Variants in CDH13 observed in about 807,000 individuals in gnomAD.
CDH13 encodes cadherin 13.
CDH13 carries 24 observed loss-of-function variants against 63.8 expected under a neutral mutation model. The ratio of observed to expected loss-of-function variants is 0.38; its 90% confidence interval spans 0.27 to 0.53. The LOEUF is 0.53. Among genes scored for constraint, CDH13 ranks in the 20% least tolerant of loss-of-function variants. The pLI is 0.85. For missense variants in CDH13, 1,049 were observed against 903.1 expected (o/e 1.16, Z -2.07); for synonymous variants, 503 against 355.3 (o/e 1.42, Z -4.67).
At chr16:83,166,792 A>G (rs1454962151) in intron 4 of CDH13, among the ~76,000 whole-genome samples, 1 of 152,186 alleles carries the variant, frequency 6.6e-6, no homozygotes, top group East Asian at 1.9e-4. Flanking sequence ...GGCATCAAGT[A>G]GCTTTTACAG....
intron 12 of CDH13, among the ~76,000 whole-genome samples, chr16:83,781,383 G>C (rs1027721891): frequency 6.6e-6 from 1 of 152,170 alleles, no homozygotes; most frequent in Non-Finnish European, 1.5e-5. Flanking sequence ...TCCTGCTGTT[G>C]ACCCCGTCAG....
rs1418383245 is a variant in CDH13 at position 83,205,695 on chromosome 16, C to T, written c.484-11650C>T. Among the ~76,000 whole-genome samples, 4 of 149,486 alleles carry T rather than the reference C, an allele frequency of 2.7e-5. No homozygotes were observed. The East Asian group carries it at 7.9e-4, about 29-fold the overall frequency. ...TCTTGGCTCACTGCAACCTCCACCT[C>T]CTGATTTCAAGCGATTCCCCTGCCT... On this transcript the variant is annotated intron_variant, in intron 4 of 13. Transcript: ENST00000567109.
intron 6 of CDH13, among the ~76,000 whole-genome samples, chr16:83,403,789 C>T (rs2092003616): frequency 6.6e-6 from 1 of 152,006 alleles, no homozygotes. Flanking sequence ...AACATGGAAT[C>T]CATAGAGAAT....
At chr16:83,558,661 T>A (rs2075646630) in intron 7 of CDH13, among the ~76,000 whole-genome samples, 1 of 152,188 alleles carries the variant, frequency 6.6e-6, no homozygotes, top group Non-Finnish European at 1.5e-5. Flanking sequence ...AAAAGCTAAA[T>A]TGCCTGTATT....
chr16:83,240,515 C>T (rs943523232), intron 5 of CDH13, among the ~76,000 whole-genome samples: 12 of 151,884 alleles, frequency 7.9e-5, no homozygotes, highest in Non-Finnish European at 1.6e-4. Context: ...CTAGAGTGCC[C>T]ATGGCCAAGG....
intron 4 of CDH13, among the ~76,000 whole-genome samples, chr16:83,206,731 G>C (rs1383720929): frequency 1.3e-5 from 2 of 151,598 alleles, no homozygotes; most frequent in Non-Finnish European, 2.9e-5. Context: ...CAGTTGTGTT[G>C]TGTGGGTGAG....
chr16:82,842,845 C>T (rs2039091243), intron 1 of CDH13, among the ~76,000 whole-genome samples: 2 of 152,034 alleles, frequency 1.3e-5, no homozygotes, highest in South Asian at 2.1e-4. Flanking sequence ...GATCATCAGG[C>T]ATTAGATTTT....
intron 6 of CDH13, among the ~76,000 whole-genome samples, chr16:83,364,873 C>A (rs1304950078): frequency 6.6e-6 from 1 of 152,074 alleles, no homozygotes; most frequent in Non-Finnish European, 1.5e-5. Flanking sequence ...AACACATGGA[C>A]ACAGGGAGGG....
intron 5 of CDH13, among the ~76,000 whole-genome samples, chr16:83,252,734 C>T (rs916386413): frequency 7.2e-5 from 11 of 152,024 alleles, no homozygotes; most frequent in African/African-American, 2.2e-4. Context: ...GGGAGGAGTG[C>T]GCCTGACTTC....
intron 10 of CDH13, among the ~76,000 whole-genome samples, chr16:83,686,449 G>A (rs1457292909): frequency 1.3e-5 from 2 of 152,130 alleles, no homozygotes; most frequent in African/African-American, 4.8e-5. Context: ...ATAGTCTATT[G>A]ACTCCAAAAT....
chr16:83,685,490 A>G (rs975400329), intron 10 of CDH13, among the ~76,000 whole-genome samples: 4 of 152,156 alleles, frequency 2.6e-5, no homozygotes, highest in African/African-American at 9.7e-5. Context: ...CATTCATGCC[A>G]TGGTATTTAT....
At chr16:83,471,153 C>G (rs1421440210) in intron 6 of CDH13, among the ~76,000 whole-genome samples, 1 of 152,050 alleles carries the variant, frequency 6.6e-6, no homozygotes, top group Non-Finnish European at 1.5e-5. Context: ...AGCCCCTCAT[C>G]TCAAGATCTT....
chr16:83,629,750 A>C (rs9935086), intron 8 of CDH13, among the ~76,000 whole-genome samples: 56,914 of 152,078 alleles, frequency 0.37, 10,997 homozygotes, highest in Middle Eastern at 0.44. Flanking sequence ...CCATCTCTTC[A>C]AGACTATTCA....
At chr16:82,783,806 A>G (rs1433258703) in intron 1 of CDH13, among the ~76,000 whole-genome samples, 1 of 146,116 alleles carries the variant, frequency 6.8e-6, no homozygotes, top group East Asian at 2.0e-4. Context: ...GAACAGAGGC[A>G]GCGGCAGGCT....
intron 2 of CDH13, among the ~76,000 whole-genome samples, chr16:82,982,748 A>G (rs750230939): frequency 2.8e-4 from 42 of 152,156 alleles, no homozygotes; most frequent in Non-Finnish European, 5.0e-4. Context: ...ACGCATCACA[A>G]TCCTATAACT....
At chr16:83,679,198 C>A (rs143647836) in intron 10 of CDH13, among the ~76,000 whole-genome samples, 2 of 152,166 alleles carry the variant, frequency 1.3e-5, no homozygotes, top group Admixed American at 1.3e-4. Context: ...ATTAAATGGT[C>A]GCTATCCACC....
At position 83,125,535 on chromosome 16, in the gene CDH13, G is replaced by A. The variant is rs769274496; in HGVS notation, c.483+34G>A. On this transcript the variant is annotated intron_variant, in intron 4 of 13. Transcript: ENST00000567109. ...GACAAACAGCAAATGACAAAAACAT[G>A]TTTTTATGAAAAGATGAGCACAGCA... 5.1e-6 allele frequency: 6 copies of A among 1,179,860 alleles called. No individual in the cohort carries two copies. The South Asian group carries it at 7.5e-5, about 15-fold the overall frequency. The allele number at this position is 1,179,860 out of a possible 1,614,324, so 73.1% of individuals were successfully genotyped here.
intron 7 of CDH13, among the ~76,000 whole-genome samples, chr16:83,585,512 G>T (rs1906061264): frequency 6.6e-6 from 1 of 152,128 alleles, no homozygotes; most frequent in Non-Finnish European, 1.5e-5. Context: ...TTTGGGCCAT[G>T]CTGTGTTTGC....
chr16:83,568,624 C>G (rs1477245512), intron 7 of CDH13, among the ~76,000 whole-genome samples: 1 of 152,148 alleles, frequency 6.6e-6, no homozygotes, highest in Admixed American at 6.5e-5. Flanking sequence ...CAACTAAGGG[C>G]ACCAACAATA....
Sources: allele counts gnomAD v4.1 joint callset (sites outside exome capture counted in the v4.1 genomes callset), GRCh38; gene constraint gnomAD v4.1.1; transcripts MANE v1.5; gene names NCBI Gene and HGNC (gene_info 2026-07-23, HGNC 2026-07-21).